LRRC7: variants seen among roughly 807,000 people sequenced by gnomAD.
LRRC7 encodes leucine rich repeat containing 7.
In LRRC7, 23 loss-of-function variants were observed where a neutral mutation model predicts 175.7. That is an observed-to-expected ratio of 0.13 (90% CI 0.09 to 0.19). LRRC7 has a LOEUF of 0.19. Among genes scored for constraint, LRRC7 ranks in the 10% least tolerant of loss-of-function variants. LRRC7 has a pLI of 1.00. For synonymous variants in LRRC7, 685 were observed against 680.9 expected (o/e 1.01, Z -0.09); for missense variants, 1,354 against 1,904.7 (o/e 0.71, Z 5.38).
rs1666232990 is a variant in LRRC7 at position 70,121,972 on chromosome 1, T to G, written c.*85T>G. ...ATACATAGAAACAAATTTTGCCAAT[T>G]GCTGGACCAATGGCAAACATTAGTG... On this transcript the variant is annotated 3_prime_UTR_variant, in exon 27 of 27. Transcript: ENST00000651989. 4 of 886,414 alleles carry G rather than the reference T, an allele frequency of 4.5e-6. No individual in the cohort carries two copies. The highest frequency in any genetic ancestry group is 7.3e-6 in the Non-Finnish European group (4 of 549,090). The allele number at this position is 886,414 out of a possible 1,614,324, so 54.9% of individuals were successfully genotyped here. A position where few individuals can be genotyped will look rare whatever the true frequency, so the allele number is the denominator to read the frequency against.
chr1:70,025,461 A>T (rs919583818), intron 17 of LRRC7, among the ~76,000 whole-genome samples: 3 of 152,026 alleles, frequency 2.0e-5, no homozygotes, highest in African/African-American at 7.2e-5. Context: ...ACATATACAG[A>T]GTAGAGTCAA....
rs1322042794 is a variant in LRRC7 at position 69,760,171 on chromosome 1, T to C, written c.101-20T>C. The C allele has an allele frequency of 6.2e-7, 1 of 1,610,094 alleles. No homozygotes were observed. Among genetic ancestry groups the C allele is most frequent in the East Asian group, 2.2e-5 (1 of 44,748 alleles). ...ACTGGATAAGCTGTTTTGTTTTGTT[T>C]TGTTTCTGCGTTTCTCTAGTGCAGT... On this transcript the variant is annotated intron_variant, in intron 2 of 26. Transcript: ENST00000651989.
At chr1:69,945,957 A>C (rs1208288371) in intron 8 of LRRC7, among the ~76,000 whole-genome samples, 1 of 152,070 alleles carries the variant, frequency 6.6e-6, no homozygotes, top group Non-Finnish European at 1.5e-5. Flanking sequence ...TTCTATTTGC[A>C]TGCCTATTTC....
At chr1:70,068,861 G>A (rs753281241) in intron 23 of LRRC7, among the ~76,000 whole-genome samples, 23 of 152,206 alleles carry the variant, frequency 1.5e-4, no homozygotes, top group Non-Finnish European at 2.9e-4. Flanking sequence ...GACTGCAGGT[G>A]TGCACCACCA....
chr1:70,107,954 T>A, intron 26 of LRRC7, 128 bp downstream of exon 26: 2 of 837,604 alleles, frequency 2.4e-6, no homozygotes, highest in Non-Finnish European at 3.8e-6. Context: ...TTTGCCTTTA[T>A]TATTTTGGGG....
intron 7 of LRRC7, among the ~76,000 whole-genome samples, chr1:69,892,398 G>A (rs1169612233): frequency 6.6e-6 from 1 of 152,116 alleles, no homozygotes; most frequent in Non-Finnish European, 1.5e-5. Context: ...GGTACTCAAG[G>A]CATGAGTTAA....
intron 9 of LRRC7, among the ~76,000 whole-genome samples, chr1:69,985,211 T>C (rs1342076830): frequency 7.2e-5 from 11 of 152,306 alleles, no homozygotes; most frequent in African/African-American, 2.6e-4. Context: ...TCATGGCAAG[T>C]CTGTCCCCAT....
intron 2 of LRRC7, among the ~76,000 whole-genome samples, chr1:69,685,821 G>T (rs1661071072): frequency 6.6e-6 from 1 of 151,652 alleles, no homozygotes; most frequent in Non-Finnish European, 1.5e-5. Flanking sequence ...AGAAGTAATG[G>T]TTGCAAACTT....
At chr1:70,074,045 A>G (rs574516890) in intron 23 of LRRC7, among the ~76,000 whole-genome samples, 3 of 152,154 alleles carry the variant, frequency 2.0e-5, no homozygotes, top group Non-Finnish European at 4.4e-5. Context: ...TACTAAAGAT[A>G]CAAATAATTA....
chr1:69,701,848 T>C (rs569266962), intron 2 of LRRC7, among the ~76,000 whole-genome samples: 1 of 152,328 alleles, frequency 6.6e-6, no homozygotes, highest in Admixed American at 6.5e-5. Context: ...GCACAGAGGA[T>C]ATTCATAACT....
chr1:69,898,268 A>G (rs1646035026), intron 7 of LRRC7, among the ~76,000 whole-genome samples: 2 of 152,316 alleles, frequency 1.3e-5, no homozygotes, highest in Non-Finnish European at 2.9e-5. Flanking sequence ...GGTATATTCA[A>G]GTGGAGCCAG....
At chr1:69,752,137 G>A (rs1669910642) in intron 2 of LRRC7, among the ~76,000 whole-genome samples, 1 of 152,082 alleles carries the variant, frequency 6.6e-6, no homozygotes, top group African/African-American at 2.4e-5. Flanking sequence ...GAATCACCAT[G>A]TATATTCTCT....
intron 1 of LRRC7, among the ~76,000 whole-genome samples, chr1:69,644,460 G>T (rs1654705372): frequency 6.6e-6 from 1 of 151,908 alleles, no homozygotes; most frequent in Non-Finnish European, 1.5e-5. Flanking sequence ...TTCTGATAAA[G>T]CTGTAGCCTC....
chr1:69,688,181 T>G (rs921004790), intron 2 of LRRC7, among the ~76,000 whole-genome samples: 1 of 152,242 alleles, frequency 6.6e-6, no homozygotes, highest in African/African-American at 2.4e-5. Flanking sequence ...AGGCTTCAGA[T>G]GCTTTATGGT....
At chr1:69,875,415 T>C (rs1685951561) in intron 7 of LRRC7, among the ~76,000 whole-genome samples, 1 of 152,044 alleles carries the variant, frequency 6.6e-6, no homozygotes, top group Admixed American at 6.6e-5. Flanking sequence ...AATTAACAAG[T>C]AAGTGGAATA....
chr1:69,909,334 C>T (rs1191858554), intron 7 of LRRC7, among the ~76,000 whole-genome samples: 2 of 152,064 alleles, frequency 1.3e-5, no homozygotes, highest in Non-Finnish European at 2.9e-5. Context: ...GGTTATTTTG[C>T]TCGTTAGTTG....
intron 4 of LRRC7, among the ~76,000 whole-genome samples, chr1:69,798,062 C>T (rs1465633449): frequency 6.6e-6 from 1 of 152,070 alleles, no homozygotes; most frequent in Non-Finnish European, 1.5e-5. Context: ...GCTGGGATTA[C>T]AGGCGCCTGT....
chr1:69,789,304 CA>C (rs1372485924), intron 3 of LRRC7, among the ~76,000 whole-genome samples: 2 of 152,004 alleles, frequency 1.3e-5, no homozygotes, highest in African/African-American at 4.8e-5. Flanking sequence ...ATACCATTAG[CA>C]AATGAAGACA....
intron 1 of LRRC7, among the ~76,000 whole-genome samples, chr1:69,596,454 G>T (rs562244139): frequency 2.0e-5 from 3 of 152,102 alleles, no homozygotes; most frequent in Admixed American, 6.5e-5. Flanking sequence ...GTCAGTTGAG[G>T]CATAAGCAAG....
Sources: gnomAD v4.1 joint callset for allele counts (sites outside exome capture counted in the v4.1 genomes callset) on GRCh38, gnomAD v4.1.1 for gene constraint, MANE v1.5 for transcripts, NCBI Gene and HGNC (gene_info 2026-07-23, HGNC 2026-07-21) for gene names.